The following C10orf67 variants were observed in gnomAD, a reference collection of about 807,000 sequenced individuals.
The protein encoded by C10orf67 is chromosome 10 open reading frame 67.
C10orf67 carries 60 observed loss-of-function variants against 35.6 expected under a neutral mutation model. The observed-to-expected ratio is 1.68, with a 90% CI of 1.37 to 2.09. The LOEUF is 2.09. Ranked by LOEUF, C10orf67 falls within the 30% of genes most tolerant of loss-of-function variation. C10orf67 has a pLI of 0.00. For missense variants in C10orf67, 474 were observed against 330.2 expected (o/e 1.44, Z -3.38); for synonymous variants, 167 against 115.8 (o/e 1.44, Z -2.84).
intron 10 of C10orf67, among the ~76,000 whole-genome samples, chr10:23,259,800 A>G (rs1355733058): frequency 6.6e-6 from 1 of 152,090 alleles, no homozygotes; most frequent in African/African-American, 2.4e-5. Flanking sequence ...TCATCAATAG[A>G]CTCAATATAA....
chr10:23,293,363 A>C (rs1490985308), intron 5 of C10orf67, among the ~76,000 whole-genome samples: 1 of 152,186 alleles, frequency 6.6e-6, no homozygotes, highest in Non-Finnish European at 1.5e-5. Context: ...GTAATTAACT[A>C]TTCAGACGCC....
At position 23,327,230 on chromosome 10, in the gene C10orf67, A is replaced by T. The variant is rs573225851; in HGVS notation, c.328-4693T>A. Reference sequence around the variant, plus strand: ...TAGAAAAATAAGATAAAGAGAAATTAAAAAAGAAATTGGCAGAAAATACAA... The same window carrying T: ...TAGAAAAATAAGATAAAGAGAAATTTAAAAAGAAATTGGCAGAAAATACAA... On this transcript the variant is annotated intron_variant, in intron 2 of 15. Transcript: ENST00000636213. 5.9e-5 allele frequency among the ~76,000 whole-genome samples: 9 copies of T among 152,228 alleles called. No individual in the cohort carries two copies. In the East Asian group the frequency reaches 1.2e-3, roughly 20 times the overall value.
intron 10 of C10orf67, among the ~76,000 whole-genome samples, chr10:23,255,617 T>A (rs1337855332): frequency 6.6e-6 from 1 of 152,136 alleles, no homozygotes; most frequent in African/African-American, 2.4e-5. Context: ...TCTATTAAAC[T>A]ATTCACTCCA....
chr10:23,224,395 G>C (rs1226611466), intron 13 of C10orf67, among the ~76,000 whole-genome samples: 1 of 152,112 alleles, frequency 6.6e-6, no homozygotes, highest in Non-Finnish European at 1.5e-5. Context: ...CATCATCAAA[G>C]ACCAAAGGTA....
chr10:23,227,961 A>AT (rs1360937091), intron 13 of C10orf67, among the ~76,000 whole-genome samples: 1 of 152,224 alleles, frequency 6.6e-6, no homozygotes, highest in East Asian at 1.9e-4. Flanking sequence ...ATGGAAGAAC[A>AT]TTCCATGCTC....
intron 4 of C10orf67, among the ~76,000 whole-genome samples, chr10:23,306,511 A>G (rs1020344403): frequency 2.8e-5 from 4 of 144,904 alleles, no homozygotes; most frequent in Non-Finnish European, 6.0e-5. Flanking sequence ...CCTGGGTGAC[A>G]GTGCCAGACT....
chr10:23,339,206 C>T (rs1313571979), intron 1 of C10orf67, among the ~76,000 whole-genome samples: 2 of 151,944 alleles, frequency 1.3e-5, no homozygotes, highest in South Asian at 2.1e-4. Flanking sequence ...CTTTGTGATC[C>T]TTATGCTGCT....
intron 8 of C10orf67, among the ~76,000 whole-genome samples, chr10:23,279,627 A>G (rs1035320019): frequency 2.0e-5 from 3 of 152,194 alleles, no homozygotes; most frequent in Non-Finnish European, 4.4e-5. Flanking sequence ...AAAGAGTTCA[A>G]TCATGGTGTT....
At chr10:23,267,300 T>G (rs1842908985) in intron 8 of C10orf67, 46 bp from the exon 9 acceptor site, 1 of 665,390 alleles carries the variant, frequency 1.5e-6, no homozygotes, top group Non-Finnish European at 2.7e-6. Flanking sequence ...CTGCAAAGAT[T>G]AAAAAAGACA....
At chr10:23,337,750 G>A (rs577696821) in intron 1 of C10orf67, among the ~76,000 whole-genome samples, 2 of 152,214 alleles carry the variant, frequency 1.3e-5, no homozygotes, top group East Asian at 3.9e-4. Context: ...TTGAAGCCCT[G>A]AGAACCCAAC....
chr10:23,266,316 A>C lies in C10orf67; in HGVS notation c.1146T>G (p.Ala382=). The C allele has an allele frequency of 2.5e-6, 1 of 398,654 alleles. No individual in the cohort carries two copies. The highest frequency in any genetic ancestry group is 4.4e-6 in the Non-Finnish European group (1 of 226,106). The allele number at this position is 398,654 out of a possible 1,614,324, so 24.7% of individuals were successfully genotyped here. ...PHSATMSVSS[A]GAQKAKMPKK... ...TTGGCATTTTAGCTTTCTGGGCCCC[A>C]GCAGATGATACACTCATGGTCGCAG... The change falls in exon 10 of 16, where the codon GCT becomes GCG. Residue 382 remains alanine (A), a synonymous_variant. Coordinates refer to ENST00000636213, the MANE Select transcript of C10orf67 (RefSeq NM_001371909.1).
chr10:23,305,963 A>ACC (rs1554813950), intron 4 of C10orf67, among the ~76,000 whole-genome samples: 4 of 142,512 alleles, frequency 2.8e-5, no homozygotes, highest in African/African-American at 1.1e-4. Context: ...AACGTTACAT[A>ACC]CGCGCACACA....
At chr10:23,254,038 A>T (rs1383882165) in intron 10 of C10orf67, among the ~76,000 whole-genome samples, 5 of 152,206 alleles carry the variant, frequency 3.3e-5, no homozygotes, top group Non-Finnish European at 5.9e-5. Flanking sequence ...TGGAATACAC[A>T]CACTGGTCTT....
chr10:23,252,875 T>C (rs1220322726), intron 10 of C10orf67, among the ~76,000 whole-genome samples: 1 of 152,194 alleles, frequency 6.6e-6, no homozygotes, highest in Non-Finnish European at 1.5e-5. Flanking sequence ...AAATCTCATC[T>C]TGTAGCTCCC....
At chr10:23,205,845 T>C (rs918130050) in intron 15 of C10orf67, among the ~76,000 whole-genome samples, 1 of 152,200 alleles carries the variant, frequency 6.6e-6, no homozygotes, top group Non-Finnish European at 1.5e-5. Flanking sequence ...AAAATTCTTA[T>C]TTTCTTTAGT....
At chr10:23,224,754 G>A (rs1317871928) in intron 13 of C10orf67, among the ~76,000 whole-genome samples, 3 of 152,116 alleles carry the variant, frequency 2.0e-5, no homozygotes, top group Non-Finnish European at 2.9e-5. Flanking sequence ...TAGCCGATTC[G>A]ATCAAATGGA....
At chr10:23,321,128 A>G (rs1844939267) in intron 3 of C10orf67, among the ~76,000 whole-genome samples, 1 of 152,222 alleles carries the variant, frequency 6.6e-6, no homozygotes, top group Non-Finnish European at 1.5e-5. Context: ...AGTAAAGTCT[A>G]TTTGTGATGC....
chr10:23,284,720 C>CAAAA (rs1284445762), intron 7 of C10orf67, among the ~76,000 whole-genome samples: 2 of 148,060 alleles, frequency 1.4e-5, no homozygotes, highest in African/African-American at 5.0e-5. Context: ...AACAAACAAA[C>CAAAA]AAAAAAACCT....
intron 12 of C10orf67, among the ~76,000 whole-genome samples, chr10:23,241,472 G>A (rs542416577): frequency 1.3e-5 from 2 of 152,188 alleles, no homozygotes; most frequent in Admixed American, 6.5e-5. Flanking sequence ...TGCAGGATAG[G>A]CATGATTATT....
Sources: allele counts gnomAD v4.1 joint callset (sites outside exome capture counted in the v4.1 genomes callset), GRCh38; gene constraint gnomAD v4.1.1; transcripts MANE v1.5; gene names NCBI Gene and HGNC (gene_info 2026-07-23, HGNC 2026-07-21).